The following RSPO2 variants were observed in gnomAD, a reference collection of about 807,000 sequenced individuals.
RSPO2 encodes R-spondin 2.
RSPO2 carries 14 observed loss-of-function variants against 30.9 expected under a neutral mutation model. The ratio of observed to expected loss-of-function variants is 0.45; its 90% CI spans 0.30 to 0.71. The LOEUF is 0.71. Ranked by LOEUF, RSPO2 falls within the 30% of genes least tolerant of loss-of-function variation. The pLI is 0.08. For missense variants in RSPO2, 264 were observed against 301.9 expected (o/e 0.87, Z 0.93); for synonymous variants, 107 against 96.4 (o/e 1.11, Z -0.64).
At chr8:108,062,999 T>A (rs1056207557) in intron 2 of RSPO2, among the ~76,000 whole-genome samples, 1 of 151,854 alleles carries the variant, frequency 6.6e-6, no homozygotes, top group African/African-American at 2.4e-5. Flanking sequence ...TGCTAAAAAC[T>A]CTCAATAAAT....
intron 2 of RSPO2, among the ~76,000 whole-genome samples, chr8:108,043,900 A>G (rs1460872385): frequency 2.0e-5 from 3 of 152,096 alleles, no homozygotes; most frequent in Non-Finnish European, 1.5e-5. Context: ...CAGCTTTAGA[A>G]ATAAGTTTTT....
chr8:108,019,888 G>A (rs894256019), intron 2 of RSPO2, among the ~76,000 whole-genome samples: 1 of 152,038 alleles, frequency 6.6e-6, no homozygotes, highest in Non-Finnish European at 1.5e-5. Flanking sequence ...AGACTAACAG[G>A]TAACTTGGTG....
chr8:108,022,427 C>T (rs1031138762), intron 2 of RSPO2, among the ~76,000 whole-genome samples: 5 of 152,034 alleles, frequency 3.3e-5, no homozygotes, highest in African/African-American at 1.2e-4. Context: ...CCCCTTAATC[C>T]CCAAGTCCCC....
At chr8:107,983,686 A>G (rs1476049728) in intron 3 of RSPO2, 6 of 1,594,452 alleles carry the variant, frequency 3.8e-6, no homozygotes, top group East Asian at 4.5e-5. Context: ...AGAGAATTAA[A>G]GATTAAGGGA....
At chr8:107,982,006 C>CA (rs1404787070) in intron 3 of RSPO2, among the ~76,000 whole-genome samples, 6 of 19,690 alleles carry the variant, frequency 3.0e-4, no homozygotes, top group Non-Finnish European at 4.8e-4. Context: ...ACAACAACAA[C>CA]AACAAAAAAA....
intron 3 of RSPO2, among the ~76,000 whole-genome samples, chr8:107,981,224 T>C (rs1370396524): frequency 1.3e-5 from 2 of 152,110 alleles, no homozygotes; most frequent in Non-Finnish European, 2.9e-5. Context: ...AATTACATTA[T>C]TCAAGAATGA....
chr8:108,042,494 C>A (rs1811788533), intron 2 of RSPO2, among the ~76,000 whole-genome samples: 1 of 152,116 alleles, frequency 6.6e-6, no homozygotes, highest in Admixed American at 6.5e-5. Flanking sequence ...TACCTGCAAC[C>A]CAAGTCTCAT....
chr8:108,027,308 T>C (rs375855367), intron 2 of RSPO2, among the ~76,000 whole-genome samples: 4 of 152,212 alleles, frequency 2.6e-5, no homozygotes, highest in African/African-American at 9.6e-5. Context: ...TGAAAGACAT[T>C]GTCTAGATGC....
At chr8:107,967,995 TC>T (rs1200729233) in intron 3 of RSPO2, among the ~76,000 whole-genome samples, 2 of 152,130 alleles carry the variant, frequency 1.3e-5, no homozygotes, top group Non-Finnish European at 2.9e-5. Flanking sequence ...AGTGCAAAGA[TC>T]TCAGCACAGT....
chr8:107,907,455 T>G (rs990729493), intron 5 of RSPO2, among the ~76,000 whole-genome samples: 1 of 152,008 alleles, frequency 6.6e-6, no homozygotes, highest in Non-Finnish European at 1.5e-5. Context: ...TTGAAAATAA[T>G]AACAAGCCAC....
intron 2 of RSPO2, among the ~76,000 whole-genome samples, chr8:108,050,178 T>C (rs1390790842): frequency 1.3e-5 from 2 of 152,212 alleles, no homozygotes; most frequent in Admixed American, 6.5e-5. Flanking sequence ...TTCAAACCAC[T>C]TTTGTTTCTA....
chr8:108,032,596 C>T (rs1053803516), intron 2 of RSPO2, among the ~76,000 whole-genome samples: 1 of 152,048 alleles, frequency 6.6e-6, no homozygotes, highest in African/African-American at 2.4e-5. Context: ...CCTACTGTCT[C>T]TTTTCAGAAG....
chr8:108,041,168 C>T (rs1244369991), intron 2 of RSPO2, among the ~76,000 whole-genome samples: 1 of 108,474 alleles, frequency 9.2e-6, no homozygotes, highest in Non-Finnish European at 1.8e-5. Flanking sequence ...TTTTTCTCCT[C>T]ACAACATTTT....
At position 108,063,610 on chromosome 8, in the gene RSPO2, G is replaced by A. The variant is rs567307898; in HGVS notation, c.94+18935C>T. On this transcript the variant is annotated intron_variant, in intron 2 of 5. Transcript: ENST00000276659. Reference sequence around the variant, plus strand: ...TCATGAAAATGGCCATACTGCCCAAGGTAATTTATAGATTCAATGCCATCC... The same window carrying A: ...TCATGAAAATGGCCATACTGCCCAAAGTAATTTATAGATTCAATGCCATCC... Among the ~76,000 whole-genome samples, 125 of 151,846 alleles carry A rather than the reference G, an allele frequency of 8.2e-4. 3 individuals are homozygous for A. The highest frequency in any genetic ancestry group is 2.5e-3 in the African/African-American group (104 of 41,172).
intron 5 of RSPO2, among the ~76,000 whole-genome samples, chr8:107,920,390 A>T (rs1490802751): frequency 6.6e-6 from 1 of 152,140 alleles, no homozygotes; most frequent in African/African-American, 2.4e-5. Flanking sequence ...CATTGATCCT[A>T]TCCAAAAGGT....
At chr8:107,956,538 C>T (rs1407305560) in intron 5 of RSPO2, among the ~76,000 whole-genome samples, 1 of 152,142 alleles carries the variant, frequency 6.6e-6, no homozygotes, top group African/African-American at 2.4e-5. Context: ...GGTTAACAAT[C>T]TAGCTGTAAT....
chr8:107,932,699 A>G (rs892192730), intron 5 of RSPO2, among the ~76,000 whole-genome samples: 2 of 152,150 alleles, frequency 1.3e-5, no homozygotes, highest in Non-Finnish European at 2.9e-5. Flanking sequence ...ACAGATGGGC[A>G]GAAAGGTGAG....
chr8:107,919,543 C>T lies in RSPO2; in HGVS notation c.617-18353G>A, dbSNP rs1462284490. Among the ~76,000 whole-genome samples the T allele has an allele frequency of 2.6e-5, 4 of 152,114 alleles. No individual in the cohort carries two copies. The East Asian group carries it at 5.8e-4, about 22-fold the overall frequency. ...GCTACAAGATTCTGACCCTCTGTAA[C>T]CTGCTCCTAAGATCAATGCTTGAGA... On this transcript the variant is annotated intron_variant, in intron 5 of 5. Transcript: ENST00000276659.
At chr8:107,942,173 C>G (rs1410891866) in intron 5 of RSPO2, among the ~76,000 whole-genome samples, 4 of 152,100 alleles carry the variant, frequency 2.6e-5, no homozygotes, top group Admixed American at 2.6e-4. Context: ...CCATGGTTAC[C>G]CTAAAAGTAG....
Sources: gnomAD v4.1 joint callset for allele counts (sites outside exome capture counted in the v4.1 genomes callset) on GRCh38, gnomAD v4.1.1 for gene constraint, MANE v1.5 for transcripts, NCBI Gene and HGNC (gene_info 2026-07-23, HGNC 2026-07-21) for gene names.